Variants in ARL15 observed in about 807,000 individuals in gnomAD.
The protein encoded by ARL15 is ARF like GTPase 15, also known as ADP-ribosylation factor-like protein 15.
A neutral mutation model predicts 25.2 loss-of-function variants in ARL15; 19 were observed. That is an observed-to-expected ratio of 0.75 (90% CI 0.53 to 1.10). The LOEUF (loss-of-function observed/expected upper bound fraction) is 1.10. Ranked by LOEUF, ARL15 falls within the 50% of genes least tolerant of loss-of-function variation. The probability of loss-of-function intolerance (pLI) is 0.00; values close to 1 mark genes in which losing one functional copy is unlikely to be tolerated. For missense variants in ARL15, 220 were observed against 246.0 expected (o/e 0.89, Z 0.71); for synonymous variants, 94 against 86.8 (o/e 1.08, Z -0.46).
At chr5:54,178,973 T>G (rs1459287794) in intron 1 of ARL15, among the ~76,000 whole-genome samples, 2 of 152,214 alleles carry the variant, frequency 1.3e-5, no homozygotes, top group African/African-American at 4.8e-5. Context: ...GAACAGCAGA[T>G]ATAAGTGACT....
intron 3 of ARL15, among the ~76,000 whole-genome samples, chr5:54,144,150 G>T (rs941385012): frequency 3.3e-5 from 5 of 151,780 alleles, no homozygotes; most frequent in African/African-American, 9.7e-5. Context: ...TCTAAGTATG[G>T]TTATTTTCTT....
At chr5:54,154,416 A>C in intron 3 of ARL15, 164 bp downstream of exon 3, 1 of 543,302 alleles carries the variant, frequency 1.8e-6, no homozygotes, top group Non-Finnish European at 3.1e-6. Flanking sequence ...AACAATTTTT[A>C]AAACATACGA....
chr5:53,964,212 A>G (rs956539771), intron 4 of ARL15, among the ~76,000 whole-genome samples: 3 of 152,184 alleles, frequency 2.0e-5, no homozygotes, highest in Non-Finnish European at 4.4e-5. Flanking sequence ...TTCACTTTAC[A>G]GGAAGGTCCC....
intron 4 of ARL15, among the ~76,000 whole-genome samples, chr5:53,898,943 T>G (rs371348738): frequency 1.3e-5 from 2 of 152,162 alleles, no homozygotes; most frequent in South Asian, 2.1e-4. Context: ...CATGAGCCAC[T>G]GTACCCAGCC....
At chr5:54,029,490 T>G (rs1259642826) in intron 4 of ARL15, among the ~76,000 whole-genome samples, 1 of 152,102 alleles carries the variant, frequency 6.6e-6, no homozygotes, top group African/African-American at 2.4e-5. Flanking sequence ...GTAGACATAT[T>G]AAGCATATGT....
intron 3 of ARL15, among the ~76,000 whole-genome samples, chr5:54,146,318 G>T (rs183367544): frequency 6.6e-6 from 1 of 152,172 alleles, no homozygotes; most frequent in African/African-American, 2.4e-5. Flanking sequence ...ATTTGTAGGG[G>T]CCAAAGCAAG....
intron 4 of ARL15, among the ~76,000 whole-genome samples, chr5:54,005,806 G>A (rs1026350418): frequency 6.6e-5 from 10 of 151,380 alleles, no homozygotes; most frequent in Middle Eastern, 3.5e-3. Context: ...AGCGTGCAGT[G>A]AGCCGAGATT....
At chr5:54,132,259 A>G (rs1281601120) in intron 3 of ARL15, among the ~76,000 whole-genome samples, 1 of 152,110 alleles carries the variant, frequency 6.6e-6, no homozygotes, top group Non-Finnish European at 1.5e-5. Flanking sequence ...ATAGTATAAG[A>G]AATATTTTAA....
intron 1 of ARL15, among the ~76,000 whole-genome samples, chr5:54,220,004 T>C (rs1756325161): frequency 1.3e-5 from 2 of 152,224 alleles, no homozygotes; most frequent in Non-Finnish European, 2.9e-5. Flanking sequence ...AACAAGATTA[T>C]TTACAGTCTT....
chr5:53,983,537 T>A (rs1748193085), intron 4 of ARL15, among the ~76,000 whole-genome samples: 1 of 152,234 alleles, frequency 6.6e-6, no homozygotes, highest in Admixed American at 6.5e-5. Context: ...GAAGGTGCAC[T>A]CTGGTTCACT....
rs922850153 is a variant in ARL15 at position 54,033,824 on chromosome 5, T to G, written c.462+79378A>C. ...TGACAAATATTTACAAGGACTGTCT[T>G]TTTTATTGAGACAGAGTCTCGCTTT... On this transcript the variant is annotated intron_variant, in intron 4 of 4. Transcript: ENST00000504924. Among the ~76,000 whole-genome samples the G allele has an allele frequency of 9.2e-5, 14 of 152,308 alleles. No individual in the cohort carries two copies. The East Asian group carries it at 2.7e-3, about 29-fold the overall frequency.
chr5:53,976,758 T>C (rs1241700617), intron 4 of ARL15, among the ~76,000 whole-genome samples: 1 of 152,184 alleles, frequency 6.6e-6, no homozygotes, highest in African/African-American at 2.4e-5. Context: ...AGAAGGAAAG[T>C]TCTATACATA....
chr5:54,218,700 C>T (rs546564167), intron 1 of ARL15, among the ~76,000 whole-genome samples: 6 of 152,210 alleles, frequency 3.9e-5, no homozygotes, highest in African/African-American at 7.2e-5. Context: ...ATACCAAAGA[C>T]GGCAATGGCA....
chr5:53,921,004 G>A (rs1436548492), intron 4 of ARL15, among the ~76,000 whole-genome samples: 1 of 152,134 alleles, frequency 6.6e-6, no homozygotes, highest in East Asian at 1.9e-4. Context: ...ACAAGATAGA[G>A]GACATCAGGG....
intron 1 of ARL15, among the ~76,000 whole-genome samples, chr5:54,213,613 G>A (rs1756103140): frequency 6.6e-6 from 1 of 152,164 alleles, no homozygotes; most frequent in Non-Finnish European, 1.5e-5. Context: ...GAGGCAGGAA[G>A]GGAGAGGGAG....
chr5:54,097,966 G>T (rs1561223050), intron 4 of ARL15, among the ~76,000 whole-genome samples: 1 of 152,134 alleles, frequency 6.6e-6, no homozygotes, highest in Non-Finnish European at 1.5e-5. Flanking sequence ...GAAAGCATGG[G>T]CATCTCATTA....
At chr5:54,036,707 C>T (rs887067730) in intron 4 of ARL15, among the ~76,000 whole-genome samples, 1 of 152,058 alleles carries the variant, frequency 6.6e-6, no homozygotes, top group Non-Finnish European at 1.5e-5. Context: ...TAATAAAAAC[C>T]TAATTATTTC....
At chr5:54,104,257 AC>A (rs1440727079) in intron 4 of ARL15, among the ~76,000 whole-genome samples, 3 of 152,088 alleles carry the variant, frequency 2.0e-5, no homozygotes, top group African/African-American at 7.2e-5. Context: ...GGCTTCAGGC[AC>A]CTTTTCTCTT....
intron 3 of ARL15, among the ~76,000 whole-genome samples, chr5:54,137,163 C>T (rs984333426): frequency 6.6e-6 from 1 of 151,748 alleles, no homozygotes; most frequent in African/African-American, 2.4e-5. Context: ...CAGGAACCAG[C>T]AAAGTGATAT....
Sources: allele counts gnomAD v4.1 joint callset (sites outside exome capture counted in the v4.1 genomes callset), GRCh38; gene constraint gnomAD v4.1.1; transcripts MANE v1.5; gene names NCBI Gene and HGNC (gene_info 2026-07-23, HGNC 2026-07-21).